The following EPB41L4A variants were observed in gnomAD, a reference collection of about 807,000 sequenced individuals.
The protein encoded by EPB41L4A is erythrocyte membrane protein band 4.1 like 4A.
EPB41L4A carries 100 observed loss-of-function variants against 108.6 expected under a neutral mutation model. The observed-to-expected ratio is 0.92, with a 90% confidence interval of 0.78 to 1.09. The LOEUF is 1.09. Ranked by LOEUF, EPB41L4A falls within the 50% of genes least tolerant of loss-of-function variation. The probability of loss-of-function intolerance (pLI) is 0.00; values close to 1 mark genes in which losing one functional copy is unlikely to be tolerated. For missense variants in EPB41L4A, 1,030 were observed against 842.7 expected (o/e 1.22, Z -2.75); for synonymous variants, 319 against 289.0 (o/e 1.10, Z -1.05).
At chr5:112,412,858 C>A (rs1313371854) in intron 1 of EPB41L4A, among the ~76,000 whole-genome samples, 1 of 152,222 alleles carries the variant, frequency 6.6e-6, no homozygotes, top group Admixed American at 6.5e-5. Flanking sequence ...GACAAACACA[C>A]TTTGCATCAG....
chr5:112,323,042 T>G (rs1300467306), intron 1 of EPB41L4A, among the ~76,000 whole-genome samples: 1 of 143,218 alleles, frequency 7.0e-6, no homozygotes, highest in Non-Finnish European at 1.6e-5. Context: ...ATAGACAAGA[T>G]GAAAAAAGTA....
At chr5:112,195,280 TG>T (rs1251550426) in intron 16 of EPB41L4A, among the ~76,000 whole-genome samples, 1 of 152,030 alleles carries the variant, frequency 6.6e-6, no homozygotes, top group Non-Finnish European at 1.5e-5. Flanking sequence ...AAAGGCCCCC[TG>T]GATAACACAA....
intron 1 of EPB41L4A, among the ~76,000 whole-genome samples, chr5:112,379,853 G>C (rs1760050752): frequency 6.6e-6 from 1 of 152,100 alleles, no homozygotes; most frequent in Non-Finnish European, 1.5e-5. Flanking sequence ...GCCAAAATAT[G>C]ATTAGTTATA....
chr5:112,373,669 G>C (rs1212963165), intron 1 of EPB41L4A, among the ~76,000 whole-genome samples: 1 of 152,192 alleles, frequency 6.6e-6, no homozygotes, highest in Non-Finnish European at 1.5e-5. Context: ...GCAAGTGGCA[G>C]AGCCAGGGTT....
intron 9 of EPB41L4A, chr5:112,249,506 T>C (rs559752247): frequency 6.6e-6 from 1 of 152,300 alleles, no homozygotes; most frequent in South Asian, 2.1e-4. Flanking sequence ...ACTATAGTTT[T>C]AAAAATTAAA....
rs944343721 is a variant in EPB41L4A, at chr5:112,162,710, T to C, written c.*2280A>G. The C allele has an allele frequency of 1.3e-5, 2 of 152,162 alleles. No individual in the cohort carries two copies. Among genetic ancestry groups the C allele is most frequent in the African/African-American group, 2.4e-5 (1 of 41,418 alleles). 9.4% of individuals were successfully genotyped at this position (152,162 alleles called of 1,614,324 possible). A position where few individuals can be genotyped will look rare whatever the true frequency, so the allele number is the denominator to read the frequency against. On this transcript the variant is annotated 3_prime_UTR_variant, in exon 23 of 23. Coordinates refer to ENST00000261486, the MANE Select transcript of EPB41L4A (RefSeq NM_022140.5). The stretch of plus-strand genomic sequence containing the variant: ...AACACAGTTCTTCCCTTTGGAAACA[T>C]AGATAAGTGGAGGGAATGTCATCAC...
At chr5:112,226,679 G>A (rs1220854444) in intron 12 of EPB41L4A, among the ~76,000 whole-genome samples, 1 of 149,758 alleles carries the variant, frequency 6.7e-6, no homozygotes, top group African/African-American at 2.5e-5. Flanking sequence ...GGAGAGGAGG[G>A]TAGAGATGTT....
intron 1 of EPB41L4A, among the ~76,000 whole-genome samples, chr5:112,399,303 G>A (rs1761580531): frequency 6.6e-6 from 1 of 152,062 alleles, no homozygotes; most frequent in South Asian, 2.1e-4. Flanking sequence ...TTCTCAGGAA[G>A]GCTCCCCTCC....
intron 14 of EPB41L4A, 47 bp from the exon 15 acceptor site, chr5:112,204,535 G>A: frequency 1.6e-6 from 2 of 1,281,914 alleles, no homozygotes; most frequent in Non-Finnish European, 2.3e-6. Flanking sequence ...GAGTTCCTGG[G>A]GGAAAACACA....
At chr5:112,241,366 C>T (rs565641547) in intron 9 of EPB41L4A, among the ~76,000 whole-genome samples, 1 of 152,272 alleles carries the variant, frequency 6.6e-6, no homozygotes, top group East Asian at 1.9e-4. Flanking sequence ...TCAAATTCAA[C>T]AATATGCATA....
intron 10 of EPB41L4A, 72 bp downstream of exon 10, chr5:112,240,647 G>A (rs1341354121): frequency 4.7e-6 from 4 of 845,686 alleles, no homozygotes; most frequent in East Asian, 5.6e-5. Context: ...GTTTTAGACA[G>A]AATTCTTTTT....
intron 1 of EPB41L4A, among the ~76,000 whole-genome samples, chr5:112,406,139 G>C (rs1762057754): frequency 6.6e-6 from 1 of 152,150 alleles, no homozygotes; most frequent in South Asian, 2.1e-4. Context: ...TGGAAAATTT[G>C]CACATCCTCC....
chr5:112,266,228 C>A lies in EPB41L4A; in HGVS notation c.433+5G>T, dbSNP rs1751844385. ...CTGAGGCAAATATGCTTAAGTGGCA[C>A]CTACACTGGATGGCATACGCTCCCA... On this transcript the variant is annotated splice_donor_5th_base_variant and intron_variant, in intron 5 of 22. Coordinates refer to ENST00000261486, the MANE Select transcript of EPB41L4A (RefSeq NM_022140.5). 2 of 1,593,680 alleles carry A rather than the reference C, an allele frequency of 1.3e-6. No individual in the cohort carries two copies. Among genetic ancestry groups the A allele is most frequent in the Non-Finnish European group, 1.7e-6 (2 of 1,171,700 alleles).
intron 13 of EPB41L4A, 113 bp from the exon 14 acceptor site, chr5:112,205,617 T>C (rs1223395329): frequency 1.2e-6 from 1 of 805,104 alleles, no homozygotes; most frequent in Non-Finnish European, 2.0e-6. Context: ...TGCACACTTA[T>C]TTGCTTGTTT....
chr5:112,303,546 G>C (rs1458250647), intron 2 of EPB41L4A, among the ~76,000 whole-genome samples: 1 of 152,090 alleles, frequency 6.6e-6, no homozygotes, highest in Admixed American at 6.6e-5. Context: ...AGAGAAGACT[G>C]AACAGGAATA....
chr5:112,260,115 G>A lies in EPB41L4A; in HGVS notation c.643-136C>T, dbSNP rs1030460004. 5 of 639,870 alleles carry A rather than the reference G, an allele frequency of 7.8e-6. No individual in the cohort carries two copies. In the South Asian group the frequency reaches 1.1e-4, roughly 13 times the overall value. The allele number at this position is 639,870 out of a possible 1,614,324, so 39.6% of individuals were successfully genotyped here. A position where few individuals can be genotyped will look rare whatever the true frequency, so the allele number is the denominator to read the frequency against. The stretch of plus-strand genomic sequence containing the variant: ...TGAAAGACATCAGCCTAGAAAGCTA[G>A]ATACACTATGATAGTAGCTAACTTG... On this transcript the variant is annotated intron_variant, in intron 7 of 22. Coordinates refer to ENST00000261486, the MANE Select transcript of EPB41L4A (RefSeq NM_022140.5).
At position 112,149,676 on chromosome 5, in the gene EPB41L4A, G is replaced by A. The variant is rs114736186; in HGVS notation, n.995-3678C>T. 7.2e-3 allele frequency among the ~76,000 whole-genome samples: 1,100 copies of A among 152,244 alleles called. 11 individuals are homozygous for A. The highest frequency in any genetic ancestry group is 0.025 in the African/African-American group (1,053 of 41,530). ...GCCTGCAATATGGCAGTAGAGCTACGCAGAGAAATCCTATAATTCAGAACA... is the reference window on the plus strand; with the variant it reads ...GCCTGCAATATGGCAGTAGAGCTACACAGAGAAATCCTATAATTCAGAACA... On this transcript the variant is annotated intron_variant and non_coding_transcript_variant, in intron 12 of 13. Coordinates refer to the EPB41L4A transcript ENST00000507810.
chr5:112,229,079 C>A (rs548219733), intron 12 of EPB41L4A, among the ~76,000 whole-genome samples: 1 of 152,324 alleles, frequency 6.6e-6, no homozygotes, highest in East Asian at 1.9e-4. Flanking sequence ...GATTGAATTA[C>A]TTTAACTTCG....
chr5:112,192,926 T>C (rs985434839), intron 17 of EPB41L4A, among the ~76,000 whole-genome samples: 2 of 152,214 alleles, frequency 1.3e-5, no homozygotes, highest in Admixed American at 6.5e-5. Flanking sequence ...AGAAAATAAG[T>C]GGGTATTTTT....
Sources: allele counts gnomAD v4.1 joint callset (sites outside exome capture counted in the v4.1 genomes callset), GRCh38; gene constraint gnomAD v4.1.1; transcripts MANE v1.5; gene names NCBI Gene and HGNC (gene_info 2026-07-23, HGNC 2026-07-21).